Variants in RTEL1 observed in about 807,000 individuals in gnomAD.
The protein encoded by RTEL1 is regulator of telomere elongation helicase 1.
In RTEL1, 86 loss-of-function variants were observed where a neutral mutation model predicts 162.2. That is an observed-to-expected ratio of 0.53 (90% CI 0.45 to 0.63). RTEL1 has a LOEUF of 0.63. RTEL1 is among the 30% of genes least tolerant of loss of function. The probability of loss-of-function intolerance (pLI) is 0.00; values close to 1 mark genes in which losing one functional copy is unlikely to be tolerated. For missense variants in RTEL1, 1,941 were observed against 1,750.2 expected, an observed-to-expected ratio of 1.11 and a Z score of -1.95; for synonymous variants, 958 against 717.9, an observed-to-expected ratio of 1.33 and a Z score of -5.35.
intron 9 of RTEL1, among the ~76,000 whole-genome samples, chr20:63,672,841 TCAGGCGCAGGGCCCCCA>T (rs1457584650): frequency 1.3e-5 from 2 of 152,176 alleles, no homozygotes; most frequent in Non-Finnish European, 2.9e-5. Flanking sequence ...GACCTGCCCG[TCAGGCGCAGGGCCCCCA>T]CAGGCCGCTC....
chr20:63,683,505 A>T (rs747076999), intron 14 of RTEL1, among the ~76,000 whole-genome samples: 1 of 152,254 alleles, frequency 6.6e-6, no homozygotes, highest in African/African-American at 2.4e-5. Flanking sequence ...ACATGCATGC[A>T]GAGTACGCAC....
chr20:63,695,761 G>T lies in RTEL1; in HGVS notation c.3823-17G>T. Reference sequence around the variant, plus strand: ...CAACGCCTGGCAGACGTGTGCAGTGGGCCGGTTGTCTCACAGGCCTCTAGG... The same window carrying T: ...CAACGCCTGGCAGACGTGTGCAGTGTGCCGGTTGTCTCACAGGCCTCTAGG... On this transcript the variant is annotated splice_polypyrimidine_tract_variant and intron_variant, in intron 34 of 34. Coordinates refer to ENST00000360203, the MANE Select transcript of RTEL1 (RefSeq NM_001283009.2). 6.3e-7 allele frequency: 1 copy of T among 1,588,722 alleles called. No homozygotes were observed. The highest frequency in any genetic ancestry group is 8.6e-7 in the Non-Finnish European group (1 of 1,167,778).
chr20:63,680,998 C>T, intron 14 of RTEL1: 1 of 985,400 alleles, frequency 1.0e-6, no homozygotes, highest in Non-Finnish European at 1.2e-6. Context: ...CCGCTCCTGC[C>T]CTGTCCGGGC....
At chr20:63,681,457 G>A (rs928425254) in intron 14 of RTEL1, 162 of 985,164 alleles carry the variant, frequency 1.6e-4, no homozygotes, top group Non-Finnish European at 1.8e-4. Context: ...TGCTGCCCAC[G>A]CTGTACCTGC....
At chr20:63,666,897 T>C (rs1000354448) in intron 7 of RTEL1, among the ~76,000 whole-genome samples, 29 of 145,534 alleles carry the variant, frequency 2.0e-4, no homozygotes, top group Non-Finnish European at 2.2e-4. Flanking sequence ...TGGAGTGCAG[T>C]GGTGCGATCT....
At chr20:63,694,635 G>A in intron 31 of RTEL1, 106 bp from the exon 32 acceptor site, 1 of 1,246,166 alleles carries the variant, frequency 8.0e-7, no homozygotes, top group Non-Finnish European at 1.1e-6. Flanking sequence ...CCCCGCAGTT[G>A]TCCTGAGCAG....
chr20:63,688,325 A>C lies in RTEL1; in HGVS notation c.1661A>C (p.Tyr554Ser), dbSNP rs1046172136. Residue 554 changes from tyrosine to serine, a missense_variant, in exon 20 of 35, where the codon TAT becomes TCT. Tyr to Ser is a moderately radical substitution (Grantham distance 144). Coordinates refer to ENST00000360203, the MANE Select transcript of RTEL1 (RefSeq NM_001283009.2). ...ALGNIARVVP[Y>S]GLLIFFPSYP... ...GGCAACATCGCCCGCGTGGTGCCCT[A>C]TGGGCTCCTGATCTTCTTCCCTTCC... The C allele has an allele frequency of 6.2e-7, 1 of 1,612,470 alleles. No individual in the cohort carries two copies. The highest frequency in any genetic ancestry group is 8.5e-7 in the Non-Finnish European group (1 of 1,179,944).
At chr20:63,694,254 T>G in intron 30 of RTEL1, 118 bp from the exon 31 acceptor site, 1 of 871,028 alleles carries the variant, frequency 1.1e-6, no homozygotes, top group Non-Finnish European at 1.9e-6. Context: ...TGCCTGGGTT[T>G]TCCCGCCCTG....
chr20:63,676,331 G>T (rs936035132), intron 10 of RTEL1, among the ~76,000 whole-genome samples: 1 of 152,162 alleles, frequency 6.6e-6, no homozygotes, highest in Admixed American at 6.5e-5. Flanking sequence ...TACAGGAGGG[G>T]CAGCCACACG....
rs575627411 is a variant in RTEL1 at position 63,660,955 on chromosome 20, G to A, written c.103-343G>A. On this transcript the variant is annotated intron_variant, in intron 2 of 34. Transcript: ENST00000360203. ...AGCTTGTATGTAGGACGTCAGATAG[G>A]ACAGCATAAATGTTTGGATCCAGAA... Among the ~76,000 whole-genome samples the A allele has an allele frequency of 2.0e-5, 3 of 152,340 alleles. No homozygotes were observed. In the South Asian group the frequency reaches 6.2e-4, roughly 32 times the overall value.
chr20:63,672,134 G>A (rs546591422), intron 8 of RTEL1, among the ~76,000 whole-genome samples: 12 of 151,998 alleles, frequency 7.9e-5, no homozygotes, highest in African/African-American at 2.2e-4. Flanking sequence ...CGCCCGCCTC[G>A]GCCTCCCAAA....
intron 9 of RTEL1, among the ~76,000 whole-genome samples, 198 bp downstream of exon 9, chr20:63,672,819 A>AG (rs1379642792): frequency 2.6e-5 from 4 of 152,186 alleles, no homozygotes; most frequent in Non-Finnish European, 5.9e-5. Flanking sequence ...GAGACTGGCC[A>AG]GCTGGGCCAG....
rs1234063898 is a variant in RTEL1, at chr20:63,678,271, T to C, written c.962T>C (p.Ile321Thr). Residue 321 changes from isoleucine to threonine, a missense_variant, in exon 12 of 35, where the codon ATC becomes ACC. Physicochemically the swap from Ile to Thr is moderately conservative, Grantham distance 89. Coordinates refer to ENST00000360203, the MANE Select transcript of RTEL1 (RefSeq NM_001283009.2). ...GTGACACCTCCTCGACCCACAGTGA[T>C]CCTGCTGCGCCTGGAGGGGGCCATC... ...ELEDIAKLKMILLRLEGAIDA... is the reference protein window; with the variant it reads ...ELEDIAKLKMTLLRLEGAIDA... 1.2e-6 allele frequency: 2 copies of C among 1,612,302 alleles called. No homozygotes were observed.
In RTEL1 at chr20:63,696,039, C is replaced by T. The variant is rs2090972099; in HGVS notation, c.*181C>T. On this transcript the variant is annotated 3_prime_UTR_variant, in exon 35 of 35. Coordinates refer to ENST00000360203, the MANE Select transcript of RTEL1 (RefSeq NM_001283009.2). ...TGCGGTGGGACCGGATCTGGGCCTG[C>T]CTCTGAGAAGCCCTGAGCTACCTTG... 3.2e-6 allele frequency: 2 copies of T among 623,266 alleles called. No homozygotes were observed. Among genetic ancestry groups the T allele is most frequent in the Non-Finnish European group, 2.8e-6 (1 of 362,450 alleles). 38.6% of individuals were successfully genotyped at this position (623,266 alleles called of 1,614,324 possible). A position where few individuals can be genotyped will look rare whatever the true frequency, so the allele number is the denominator to read the frequency against.
At position 63,659,371 on chromosome 20, in the gene RTEL1, C is replaced by G; in HGVS notation, c.-32C>G. The G allele has an allele frequency of 6.5e-7, 1 of 1,543,024 alleles. No homozygotes were observed. The highest frequency in any genetic ancestry group is 9.0e-7 in the Non-Finnish European group (1 of 1,115,516). On this transcript the variant is annotated 5_prime_UTR_variant, in exon 2 of 35. Coordinates refer to ENST00000360203, the MANE Select transcript of RTEL1 (RefSeq NM_001283009.2). ...AGACCCGAATAGCCTGCCCCTCAGCCACGCTCTGTGCCCTTCTGAGAACAG... is the reference window on the plus strand; with the variant it reads ...AGACCCGAATAGCCTGCCCCTCAGCGACGCTCTGTGCCCTTCTGAGAACAG...
chr20:63,690,860 G>C lies in RTEL1; in HGVS notation c.2469G>C (p.Glu823Asp), dbSNP rs1370303496. ...ESSLCVEYEQ[E>D]PVPARQRPRG... ...GCCTGTGTGTGGAGTATGAGCAGGAGCCAGTTCCTGCCCGGCAGAGGCCCA... is the reference window on the plus strand; with the variant it reads ...GCCTGTGTGTGGAGTATGAGCAGGACCCAGTTCCTGCCCGGCAGAGGCCCA... Residue 823 changes from glutamate (E) to aspartate (D), a missense_variant, in exon 27 of 35, where the codon GAG becomes GAC. Transcript: ENST00000360203. The C allele has an allele frequency of 6.2e-7, 1 of 1,602,842 alleles. No homozygotes were observed. Among genetic ancestry groups the C allele is most frequent in the Admixed American group, 1.7e-5 (1 of 58,978 alleles).
intron 14 of RTEL1, chr20:63,681,893 C>A (rs918806198): frequency 2.0e-6 from 2 of 985,274 alleles, no homozygotes; most frequent in Non-Finnish European, 2.4e-6. Flanking sequence ...ACCCCTCTGT[C>A]TGTGGCTCCT....
At chr20:63,681,240 GCTT>G (rs2090472254) in intron 14 of RTEL1, 1 of 985,340 alleles carries the variant, frequency 1.0e-6, no homozygotes, top group Admixed American at 6.1e-5. Context: ...TGTGAGGTCT[GCTT>G]CTGGCTCCAT....
chr20:63,693,456 T>TCCACCACCA (rs1262595789), intron 30 of RTEL1, among the ~76,000 whole-genome samples, 173 bp downstream of exon 30: 3 of 21,070 alleles, frequency 1.4e-4, no homozygotes, highest in African/African-American at 5.4e-4. Context: ...CAGCACCACC[T>TCCACCACCA]CCACCTCCAC....
Sources: gnomAD v4.1 joint callset for allele counts (sites outside exome capture counted in the v4.1 genomes callset) on GRCh38, gnomAD v4.1.1 for gene constraint, MANE v1.5 for transcripts, NCBI Gene and HGNC (gene_info 2026-07-23, HGNC 2026-07-21) for gene names.